Variants in CBX5 observed in about 807,000 individuals in gnomAD.
CBX5 encodes the protein chromobox protein homolog 5.
Under a neutral mutation model 20.7 loss-of-function variants are expected in CBX5, and 7 were observed. The ratio of observed to expected loss-of-function variants is 0.34; its 90% confidence interval spans 0.19 to 0.63. CBX5 has a LOEUF of 0.63. Among genes scored for constraint, CBX5 ranks in the 30% least tolerant of loss-of-function variants. CBX5 has a pLI of 0.75. For synonymous variants in CBX5, 78 were observed against 77.0 expected, an observed-to-expected ratio of 1.01 and a Z score of -0.07; for missense variants, 110 against 224.1, an observed-to-expected ratio of 0.49 and a Z score of 3.25.
Position 54,236,775 on chromosome 12 carries a change from A to G in CBX5, c.*4980T>C, listed in dbSNP as rs1326091152. 1.3e-5 allele frequency: 2 copies of G among 152,158 alleles called. No individual in the cohort carries two copies. The highest frequency in any genetic ancestry group is 2.9e-5 in the Non-Finnish European group (2 of 68,034). 9.4% of individuals were successfully genotyped at this position (152,158 alleles called of 1,614,324 possible). A position where few individuals can be genotyped will look rare whatever the true frequency, so the allele number is the denominator to read the frequency against. On this transcript the variant is annotated 3_prime_UTR_variant, in exon 5 of 5. Transcript: ENST00000209875. ...TGCAAAGTAGTATTTTATGCCCTCA[A>G]AACTGAACCTTAAGGTAGAGACAAT...
chr12:54,251,901 C>A lies in CBX5; in HGVS notation c.324+140G>T, dbSNP rs191093156. 8.1e-5 allele frequency: 54 copies of A among 662,938 alleles called. No homozygotes were observed. In the Middle Eastern group the frequency reaches 4.0e-3, roughly 49 times the overall value. 41.1% of individuals were successfully genotyped at this position (662,938 alleles called of 1,614,324 possible). On this transcript the variant is annotated intron_variant, in intron 3 of 4. Coordinates refer to ENST00000209875, the MANE Select transcript of CBX5 (RefSeq NM_012117.3). ...GAGGGAGCTGTAATCAACATACCTC[C>A]CTGGAAGCTCTTTTGTTCAACAATT...
At chr12:54,270,108 G>A (rs1043038705) in intron 1 of CBX5, among the ~76,000 whole-genome samples, 22 of 151,246 alleles carry the variant, frequency 1.5e-4, no homozygotes, top group African/African-American at 4.9e-4. Context: ...ATTCTCTATT[G>A]TTCTATATCC....
At chr12:54,278,303 T>C (rs1401431039) in intron 1 of CBX5, among the ~76,000 whole-genome samples, 3 of 152,212 alleles carry the variant, frequency 2.0e-5, no homozygotes, top group Non-Finnish European at 4.4e-5. Context: ...CTTCCAAACC[T>C]AAATAAATCC....
rs554630888 is a variant in CBX5 at position 54,241,614 on chromosome 12, C to T, written c.*141G>A. On this transcript the variant is annotated 3_prime_UTR_variant, in exon 5 of 5. Transcript: ENST00000209875. Reference sequence around the variant, plus strand: ...AGTTATGTTACAAGAGAACCAATACCAACATTTCTCCTGTGGAGCACAGTG... The same window carrying T: ...AGTTATGTTACAAGAGAACCAATACTAACATTTCTCCTGTGGAGCACAGTG... 1 of 721,716 alleles carries T rather than the reference C, an allele frequency of 1.4e-6. No individual in the cohort carries two copies. The highest frequency in any genetic ancestry group is 2.6e-5 in the East Asian group (1 of 37,912). The allele number at this position is 721,716 out of a possible 1,614,324, so 44.7% of individuals were successfully genotyped here.
At chr12:54,253,001 A>AT (rs1342403318) in intron 2 of CBX5, among the ~76,000 whole-genome samples, 8 of 151,126 alleles carry the variant, frequency 5.3e-5, no homozygotes, top group African/African-American at 9.7e-5. Context: ...AAAAAAAAAA[A>AT]GCAGATCAGT....
At position 54,246,228 on chromosome 12, in the gene CBX5, G is replaced by A. The variant is rs1340442553; in HGVS notation, c.325-13C>T. 22 of 1,587,164 alleles carry A rather than the reference G, an allele frequency of 1.4e-5. No individual in the cohort carries two copies. Among genetic ancestry groups the A allele is most frequent in the Non-Finnish European group, 1.9e-5 (22 of 1,156,072 alleles). ...TATCATTGCTCTGCTATAAATAGAA[G>A]ATAAAGAAAGGTTACAGCTTGTGGA... On this transcript the variant is annotated splice_polypyrimidine_tract_variant and intron_variant, in intron 3 of 4. Transcript: ENST00000209875.
chr12:54,268,072 A>G (rs574898719), intron 1 of CBX5, among the ~76,000 whole-genome samples: 2 of 152,246 alleles, frequency 1.3e-5, no homozygotes, highest in South Asian at 4.1e-4. Flanking sequence ...TGAACCCGGG[A>G]GACGGAGGTT....
intron 2 of CBX5, among the ~76,000 whole-genome samples, chr12:54,255,191 C>T (rs1943850524): frequency 6.6e-6 from 1 of 152,130 alleles, no homozygotes; most frequent in Admixed American, 6.6e-5. Flanking sequence ...CTTCAAGAGG[C>T]CAAGGCAGGC....
chr12:54,259,392 G>C (rs1660012581), intron 1 of CBX5: 1 of 152,380 alleles, frequency 6.6e-6, no homozygotes, highest in Non-Finnish European at 1.5e-5. Context: ...GGAAAAACAA[G>C]GATTTACATG....
rs1439218062 is a variant in CBX5, at chr12:54,238,291, C to T, written c.*3464G>A. 6.6e-6 allele frequency: 1 copy of T among 152,148 alleles called. No individual in the cohort carries two copies. The highest frequency in any genetic ancestry group is 2.4e-5 in the African/African-American group (1 of 41,438). The allele number at this position is 152,148 out of a possible 1,614,324, so 9.4% of individuals were successfully genotyped here. ...TTCTGAGACTACCTCCAAGAATCAT[C>T]CACGGAAGGATGTCAGCCATTTAAC... On this transcript the variant is annotated 3_prime_UTR_variant, in exon 5 of 5. Coordinates refer to ENST00000209875, the MANE Select transcript of CBX5 (RefSeq NM_012117.3).
Position 54,238,244 on chromosome 12 carries a change from A to AC in CBX5, c.*3510_*3511insG, listed in dbSNP as rs1055634449. 4.6e-5 allele frequency: 7 copies of AC among 152,304 alleles called. No homozygotes were observed. In the East Asian group the frequency reaches 1.2e-3, roughly 25 times the overall value. 9.4% of individuals were successfully genotyped at this position (152,304 alleles called of 1,614,324 possible). On this transcript the variant is annotated 3_prime_UTR_variant, in exon 5 of 5. Coordinates refer to ENST00000209875, the MANE Select transcript of CBX5 (RefSeq NM_012117.3). Reference sequence around the variant, plus strand: ...TCTGCATTAGGATCAAGACAAGAAGAAGACAGACAATCACTTTGGAATTCT... The same window carrying AC: ...TCTGCATTAGGATCAAGACAAGAAGACAGACAGACAATCACTTTGGAATTCT...
chr12:54,272,089 T>C (rs891317758), intron 1 of CBX5: 59 of 152,354 alleles, frequency 3.9e-4, no homozygotes, highest in Middle Eastern at 3.4e-3. Context: ...AACTTAAGAT[T>C]TCCCAGCCTG....
At position 54,236,509 on chromosome 12, in the gene CBX5, A is replaced by G. The variant is rs912434053; in HGVS notation, c.*5246T>C. ...AGTATCATCTACTTTTGAAAACATA[A>G]TTTTTATGATTAGCAGGTAAAGGTA... On this transcript the variant is annotated 3_prime_UTR_variant, in exon 5 of 5. Coordinates refer to ENST00000209875, the MANE Select transcript of CBX5 (RefSeq NM_012117.3). The G allele has an allele frequency of 6.6e-6, 1 of 152,170 alleles. No individual in the cohort carries two copies. The highest frequency in any genetic ancestry group is 2.4e-5 in the African/African-American group (1 of 41,436). The allele number at this position is 152,170 out of a possible 1,614,324, so 9.4% of individuals were successfully genotyped here. A position where few individuals can be genotyped will look rare whatever the true frequency, so the allele number is the denominator to read the frequency against.
At chr12:54,251,046 G>C (rs1188317858) in intron 3 of CBX5, among the ~76,000 whole-genome samples, 1 of 151,702 alleles carries the variant, frequency 6.6e-6, no homozygotes, top group African/African-American at 2.4e-5. Context: ...CAGGAGAACT[G>C]CTTGAACACA....
At chr12:54,255,224 C>G in intron 2 of CBX5, among the ~76,000 whole-genome samples, 1 of 151,938 alleles carries the variant, frequency 6.6e-6, no homozygotes. Flanking sequence ...CCCAAGAGAG[C>G]GAGACCAGCC....
At chr12:54,276,181 A>T (rs977550935) in intron 1 of CBX5, among the ~76,000 whole-genome samples, 2 of 152,158 alleles carry the variant, frequency 1.3e-5, no homozygotes, top group African/African-American at 4.8e-5. Context: ...AAAACACCAA[A>T]TAATGGGTCA....
rs1162714865 is a variant in CBX5, at chr12:54,236,596, G to C, written c.*5159C>G. On this transcript the variant is annotated 3_prime_UTR_variant, in exon 5 of 5. Coordinates refer to ENST00000209875, the MANE Select transcript of CBX5 (RefSeq NM_012117.3). The stretch of plus-strand genomic sequence containing the variant: ...TCTCTGCCTTGCCACAGGCATGCTT[G>C]GTGGTCTGATTACAAAAGTACGGAT... The C allele has an allele frequency of 1.3e-5, 2 of 152,120 alleles. No homozygotes were observed. The highest frequency in any genetic ancestry group is 4.8e-5 in the African/African-American group (2 of 41,408). The allele number at this position is 152,120 out of a possible 1,614,324, so 9.4% of individuals were successfully genotyped here.
intron 1 of CBX5, among the ~76,000 whole-genome samples, chr12:54,265,159 G>C (rs1943945300): frequency 6.6e-6 from 1 of 152,208 alleles, no homozygotes; most frequent in African/African-American, 2.4e-5. Flanking sequence ...CTTAGGGAGA[G>C]AGTGGCTTAG....
At chr12:54,249,569 T>C (rs2137015072) in intron 3 of CBX5, among the ~76,000 whole-genome samples, 1 of 151,992 alleles carries the variant, frequency 6.6e-6, no homozygotes, top group East Asian at 1.9e-4. Context: ...GCTGGAAGAT[T>C]CCGAAGTAGA....
Sources: allele counts gnomAD v4.1 joint callset (sites outside exome capture counted in the v4.1 genomes callset), GRCh38; gene constraint gnomAD v4.1.1; transcripts MANE v1.5; gene names NCBI Gene and HGNC (gene_info 2026-07-23, HGNC 2026-07-21).